The following COL5A1 variants were observed in gnomAD, a reference collection of about 807,000 sequenced individuals.
The protein encoded by COL5A1 is collagen type V alpha 1 chain, also known as collagen alpha-1(V) chain.
COL5A1 carries 16 observed loss-of-function variants against 263.7 expected under a neutral mutation model. That is an observed-to-expected ratio of 0.06 (90% confidence interval 0.04 to 0.09). The LOEUF (loss-of-function observed/expected upper bound fraction) is 0.09, where lower values mean the gene tolerates loss of function less well. Ranked by LOEUF, COL5A1 falls within the 10% of genes least tolerant of loss-of-function variation. The probability of loss-of-function intolerance (pLI) is 1.00; values close to 1 mark genes in which losing one functional copy is unlikely to be tolerated. For synonymous variants in COL5A1, 1,012 were observed against 1,004.5 expected, an observed-to-expected ratio of 1.01 and a Z score of -0.14; for missense variants, 2,036 against 2,540.5, an observed-to-expected ratio of 0.80 and a Z score of 4.27.
At chr9:134,676,642 C>T (rs539997629) in intron 1 of COL5A1, among the ~76,000 whole-genome samples, 1 of 152,394 alleles carries the variant, frequency 6.6e-6, no homozygotes, top group Admixed American at 6.5e-5. Flanking sequence ...CTTGGAGCCA[C>T]GAATGCACAG....
At chr9:134,772,916 G>T (rs770620555) in intron 26 of COL5A1, 82 bp downstream of exon 26, 20 of 1,408,886 alleles carry the variant, frequency 1.4e-5, no homozygotes, top group Non-Finnish European at 2.0e-5. Flanking sequence ...TCTGCTCAGG[G>T]ACATCCAGCT....
chr9:134,690,175 A>T (rs1282767426), intron 1 of COL5A1, among the ~76,000 whole-genome samples: 1 of 152,050 alleles, frequency 6.6e-6, no homozygotes, highest in African/African-American at 2.4e-5. Flanking sequence ...TCTGGAAGGG[A>T]TGCGGGGGCT....
At chr9:134,699,769 G>A in intron 2 of COL5A1, 140 bp from the exon 3 acceptor site, 1 of 807,592 alleles carries the variant, frequency 1.2e-6, no homozygotes, top group East Asian at 2.6e-5. Flanking sequence ...TCAAGGGGCA[G>A]ATGTGCAGCA....
chr9:134,823,364 A>G, intron 60 of COL5A1, 52 bp from the exon 61 acceptor site: 1 of 1,597,982 alleles, frequency 6.3e-7, no homozygotes, highest in Non-Finnish European at 8.6e-7. Flanking sequence ...GGTGGATTCA[A>G]AGTCCCCTCA....
chr9:134,795,296 C>T lies in COL5A1; in HGVS notation c.2780C>T (p.Thr927Ile). ...GGTGAAAGAGGCCCCCGGGGCATCA[C>T]TGGGAAGCCTGGCCCCAAGGTATGT... is the stretch of plus-strand genomic sequence containing the variant. ...PRGERGPRGI[T>I]GKPGPKGNSG... is the part of the protein sequence containing the mutation. The change falls in exon 34 of 66, where the codon ACT becomes ATT. Residue 927 changes from threonine to isoleucine, a missense_variant. This residue lies in a region of COL5A1 where 1,078 missense variants were observed against 1,521.4 expected (regional missense o/e 0.71). Coordinates refer to ENST00000371817, the MANE Select transcript of COL5A1 (RefSeq NM_000093.5). 6.2e-7 allele frequency: 1 copy of T among 1,613,728 alleles called. No homozygotes were observed. The highest frequency in any genetic ancestry group is 8.5e-7 in the Non-Finnish European group (1 of 1,179,968).
At chr9:134,788,873 C>T (rs941701202) in intron 31 of COL5A1, among the ~76,000 whole-genome samples, 12 of 98,028 alleles carry the variant, frequency 1.2e-4, no homozygotes, top group African/African-American at 3.3e-4. Flanking sequence ...GGTAGACAGG[C>T]AGATAGATGA....
In COL5A1 at chr9:134,820,318, G is replaced by A. The variant is rs546489229; in HGVS notation, c.4554+95G>A. 516 of 957,138 alleles carry A rather than the reference G, an allele frequency of 5.4e-4. 7 individuals carry two copies. Among genetic ancestry groups the A allele is most frequent in the South Asian group, 5.2e-3 (385 of 74,174 alleles). 59.3% of individuals were successfully genotyped at this position (957,138 alleles called of 1,614,324 possible). ...GGGGACAGGAGGCCCATCAGAGCCCGGAAGGACGTCCACACGTCGGTTGAG... is the reference window on the plus strand; with the variant it reads ...GGGGACAGGAGGCCCATCAGAGCCCAGAAGGACGTCCACACGTCGGTTGAG... On this transcript the variant is annotated intron_variant, in intron 58 of 65. Transcript: ENST00000371817.
intron 31 of COL5A1, among the ~76,000 whole-genome samples, chr9:134,787,412 A>T (rs1837502530): frequency 6.6e-6 from 1 of 152,210 alleles, no homozygotes; most frequent in Admixed American, 6.5e-5. Flanking sequence ...CCTGTGAGAA[A>T]TACAAGGTTT....
rs545710574 is a variant in COL5A1 at position 134,755,881 on chromosome 9, C to T, written c.1828-884C>T. 2.0e-5 allele frequency among the ~76,000 whole-genome samples: 3 copies of T among 152,282 alleles called. No individual in the cohort carries two copies. Among genetic ancestry groups the T allele is most frequent in the East Asian group, 3.9e-4 (2 of 5,154 alleles). ...CCTAAGCTGCCACCCTCCAGATCTT[C>T]TCTCTGCTTGGTGGTGGGTTGGGGG... On this transcript the variant is annotated intron_variant, in intron 16 of 65. Coordinates refer to ENST00000371817, the MANE Select transcript of COL5A1 (RefSeq NM_000093.5). This position sits in a 1 kb window ranked among gnomAD's most constrained non-coding sequence, Gnocchi z 4.1.
intron 63 of COL5A1, among the ~76,000 whole-genome samples, chr9:134,828,755 A>T (rs568809856): frequency 0.016 from 2,016 of 123,138 alleles, 42 homozygotes; most frequent in African/African-American, 0.058. Flanking sequence ...CACCACGCAC[A>T]TGATACATAC....
intron 4 of COL5A1, among the ~76,000 whole-genome samples, chr9:134,719,042 C>T (rs1022592330): frequency 2.0e-5 from 3 of 152,216 alleles, no homozygotes; most frequent in Non-Finnish European, 4.4e-5. Flanking sequence ...TCAACACAAC[C>T]TGTCACGTTG....
chr9:134,811,485 C>T lies in COL5A1; in HGVS notation c.3583-7C>T. 1.9e-6 allele frequency: 3 copies of T among 1,613,744 alleles called. No individual in the cohort carries two copies. The highest frequency in any genetic ancestry group is 2.5e-6 in the Non-Finnish European group (3 of 1,179,804). On this transcript the variant is annotated splice_polypyrimidine_tract_variant and splice_region_variant and intron_variant, in intron 45 of 65. Transcript: ENST00000371817. ...ATCCTCACCCATGGCCGGTTATTTCCCTGCAGGGAGCTGACGGCGAGCCGG... is the reference window on the plus strand; with the variant it reads ...ATCCTCACCCATGGCCGGTTATTTCTCTGCAGGGAGCTGACGGCGAGCCGG...
rs10858272 is a variant in COL5A1 at position 134,700,891 on chromosome 9, C to T, written c.492-280C>T. On this transcript the variant is annotated intron_variant, in intron 3 of 65. Coordinates refer to ENST00000371817, the MANE Select transcript of COL5A1 (RefSeq NM_000093.5). The surrounding 1 kb of genome is among the most constrained non-coding windows in gnomAD (Gnocchi z 4.0). ...CCGAGCCAGTGCCGAGTGCTGTGTG[C>T]TCCCCCTTCCCCCTTTCACTTGGGC... Among the ~76,000 whole-genome samples, 14,341 of 152,210 alleles carry T rather than the reference C, an allele frequency of 0.094. 829 individuals carry two copies. Among genetic ancestry groups the T allele is most frequent in the East Asian group, 0.27 (1,394 of 5,148 alleles).
Position 134,815,578 on chromosome 9 carries a change from C to A in COL5A1, c.4017C>A (p.Gly1339=), listed in dbSNP as rs746887689. 1 of 1,613,438 alleles carries A rather than the reference C, an allele frequency of 6.2e-7. No individual in the cohort carries two copies. The highest frequency in any genetic ancestry group is 8.5e-7 in the Non-Finnish European group (1 of 1,179,816). The part of the protein sequence containing the change: ...PGDDGPKGSP[G]PVGFPGDPGP... Reference sequence around the variant, plus strand: ...GCTTCCTTCTTTCTTCCTTTCAGGGCCCAGTGGGTTTTCCTGGAGATCCTG... The same window carrying A: ...GCTTCCTTCTTTCTTCCTTTCAGGGACCAGTGGGTTTTCCTGGAGATCCTG... Residue 1339 remains glycine, a splice_region_variant and synonymous_variant, in exon 51 of 66, where the codon GGC becomes GGA. Coordinates refer to ENST00000371817, the MANE Select transcript of COL5A1 (RefSeq NM_000093.5).
intron 37 of COL5A1, among the ~76,000 whole-genome samples, chr9:134,799,317 G>T (rs1474357380): frequency 6.6e-6 from 1 of 152,220 alleles, no homozygotes; most frequent in Non-Finnish European, 1.5e-5. Context: ...AGGCACGCCT[G>T]TAACCTGGCC....
chr9:134,706,014 C>T (rs375967187), intron 4 of COL5A1, among the ~76,000 whole-genome samples: 18 of 152,338 alleles, frequency 1.2e-4, no homozygotes, highest in East Asian at 5.8e-4. Context: ...GGTTTGGGTT[C>T]GCAGGCCCCT....
At chr9:134,790,180 A>C (rs1372346999) in intron 32 of COL5A1, among the ~76,000 whole-genome samples, 4 of 152,214 alleles carry the variant, frequency 2.6e-5, no homozygotes, top group Non-Finnish European at 5.9e-5. Flanking sequence ...ATGAGCAAAC[A>C]AATGTGTTCT....
At position 134,700,171 on chromosome 9, in the gene COL5A1, G is replaced by A. The variant is rs777548322; in HGVS notation, c.491+49G>A. On this transcript the variant is annotated intron_variant, in intron 3 of 65. Coordinates refer to ENST00000371817, the MANE Select transcript of COL5A1 (RefSeq NM_000093.5). The surrounding 1 kb of genome is among the most constrained non-coding windows in gnomAD (Gnocchi z 4.0). ...TGTCCCCCTGCTGGAGGGGGGATCA[G>A]GCCAGCTCATACCACTGACCAGATG... The A allele has an allele frequency of 3.9e-6, 6 of 1,553,526 alleles. No individual in the cohort carries two copies. The highest frequency in any genetic ancestry group is 1.4e-5 in the African/African-American group (1 of 73,972).
In COL5A1 at chr9:134,750,608, A is replaced by G. The variant is rs535161301; in HGVS notation, c.1561A>G (p.Met521Val). The change falls in exon 12 of 66, where the codon ATG becomes GTG. Residue 521 changes from methionine (M) to valine (V), a missense_variant. Met to Val is a conservative substitution (Grantham distance 21). Coordinates refer to ENST00000371817, the MANE Select transcript of COL5A1 (RefSeq NM_000093.5). The stretch of plus-strand genomic sequence containing the variant: ...GCCCGGTCCTCCAGGAACCATGCTC[A>G]TGCTGCCCGTGAGTACCCTTATCAG... Reference protein sequence around the residue: ...GLPGPPGTMLMLPFRFGGGGD... With the variant: ...GLPGPPGTMLVLPFRFGGGGD... The G allele has an allele frequency of 2.0e-5, 33 of 1,613,406 alleles. No homozygotes were observed. Among genetic ancestry groups the G allele is most frequent in the Non-Finnish European group, 2.6e-5 (31 of 1,179,986 alleles).
Sources: allele counts gnomAD v4.1 joint callset (sites outside exome capture counted in the v4.1 genomes callset), GRCh38; gene constraint gnomAD v4.1.1; regional missense constraint gnomAD v4.1.1; non-coding constraint Gnocchi (gnomAD v3.1); transcripts MANE v1.5; gene names NCBI Gene and HGNC (gene_info 2026-07-23, HGNC 2026-07-21).